RELL1: variants seen among roughly 807,000 people sequenced by gnomAD.
RELL1 encodes the protein RELT like 1.
RELL1 carries 10 observed loss-of-function variants against 23.0 expected under a neutral mutation model. The ratio of observed to expected loss-of-function variants is 0.43; its 90% CI spans 0.27 to 0.74. The LOEUF (loss-of-function observed/expected upper bound fraction) is 0.74. RELL1 is among the 30% of genes least tolerant of loss of function. The pLI is 0.19. For missense variants in RELL1, 315 were observed against 364.4 expected, an observed-to-expected ratio of 0.86 and a Z score of 1.10; for synonymous variants, 146 against 146.8, an observed-to-expected ratio of 0.99 and a Z score of 0.04.
chr4:37,620,065 A>T (rs1719716649), intron 6 of RELL1, among the ~76,000 whole-genome samples: 2 of 152,206 alleles, frequency 1.3e-5, no homozygotes, highest in Admixed American at 1.3e-4. Context: ...TAAAACCTTA[A>T]TTTTTTAATA....
chr4:37,637,832 G>C (rs1409161049), intron 4 of RELL1, among the ~76,000 whole-genome samples: 1 of 152,178 alleles, frequency 6.6e-6, no homozygotes, highest in Non-Finnish European at 1.5e-5. Flanking sequence ...ACCTAAAATA[G>C]TAATACAAAA....
chr4:37,594,399 G>A (rs961100738), intron 6 of RELL1, among the ~76,000 whole-genome samples: 3 of 152,178 alleles, frequency 2.0e-5, no homozygotes, highest in African/African-American at 7.2e-5. Context: ...TGATTGGAAG[G>A]CACTAACTGT....
In RELL1 at chr4:37,669,934, A is replaced by G. The variant is rs561833987; in HGVS notation, c.88+16266T>C. On this transcript the variant is annotated intron_variant, in intron 1 of 6. Transcript: ENST00000454158. ...GCAGGGTCCTCTGCCTAGGAAAACC[A>G]GAGACCTTTGTTCACTTGTTTATCT... 5.0e-3 allele frequency among the ~76,000 whole-genome samples: 757 copies of G among 151,902 alleles called. 5 individuals are homozygous for G. The highest frequency in any genetic ancestry group is 8.2e-3 in the Non-Finnish European group (558 of 67,916).
chr4:37,641,386 T>C (rs1720526573), intron 3 of RELL1, among the ~76,000 whole-genome samples: 1 of 152,222 alleles, frequency 6.6e-6, no homozygotes, highest in East Asian at 1.9e-4. Flanking sequence ...GGTTTTCTAA[T>C]ATAACACCAC....
intron 6 of RELL1, among the ~76,000 whole-genome samples, chr4:37,604,898 C>G (rs62297170): frequency 0.28 from 24,276 of 87,708 alleles, 3,988 homozygotes; most frequent in Non-Finnish European, 0.35. Context: ...GACACACACA[C>G]AGACACACAC....
intron 1 of RELL1, among the ~76,000 whole-genome samples, 187 bp from the exon 2 acceptor site, chr4:37,649,687 C>G (rs932323402): frequency 6.6e-6 from 1 of 152,262 alleles, no homozygotes; most frequent in East Asian, 1.9e-4. Context: ...GAGTTTAACT[C>G]TGCTACTCAT....
At chr4:37,642,163 G>A (rs17577627) in intron 3 of RELL1, among the ~76,000 whole-genome samples, 8 of 152,102 alleles carry the variant, frequency 5.3e-5, no homozygotes, top group African/African-American at 9.7e-5. Flanking sequence ...GAACCCACTC[G>A]GTACTCACAG....
intron 2 of RELL1, among the ~76,000 whole-genome samples, chr4:37,648,111 C>T (rs1720772922): frequency 6.6e-6 from 1 of 152,224 alleles, no homozygotes; most frequent in African/African-American, 2.4e-5. Context: ...TCAAGGTGTG[C>T]AGTGTCCTAC....
intron 1 of RELL1, among the ~76,000 whole-genome samples, chr4:37,671,135 C>T (rs1280415186): frequency 6.6e-6 from 1 of 152,224 alleles, no homozygotes; most frequent in African/African-American, 2.4e-5. Flanking sequence ...AGACTGACCC[C>T]ACTTCAGATG....
intron 1 of RELL1, among the ~76,000 whole-genome samples, chr4:37,664,913 G>A (rs1721477454): frequency 6.6e-6 from 1 of 152,046 alleles, no homozygotes; most frequent in Non-Finnish European, 1.5e-5. Flanking sequence ...TCAAAGGCAG[G>A]AATCCCAGCA....
intron 6 of RELL1, among the ~76,000 whole-genome samples, chr4:37,630,682 G>GT (rs925232235): frequency 1.5e-4 from 22 of 148,140 alleles, no homozygotes; most frequent in South Asian, 2.2e-4. Context: ...GCTGCGTGTT[G>GT]TTTTTTTTTT....
intron 2 of RELL1, 72 bp from the exon 3 acceptor site, chr4:37,647,511 C>A: frequency 2.0e-6 from 2 of 1,021,414 alleles, no homozygotes; most frequent in Non-Finnish European, 1.5e-6. Flanking sequence ...ATCTTAGAAC[C>A]CAAGACCTCA....
At chr4:37,595,860 G>T (rs1372427263) in intron 6 of RELL1, among the ~76,000 whole-genome samples, 5 of 152,148 alleles carry the variant, frequency 3.3e-5, no homozygotes, top group African/African-American at 9.7e-5. Context: ...GCCAAGCAAT[G>T]GGGAGCTTGG....
intron 1 of RELL1, among the ~76,000 whole-genome samples, chr4:37,660,835 T>C (rs556244794): frequency 1.5e-4 from 23 of 152,128 alleles, no homozygotes; most frequent in African/African-American, 3.1e-4. Flanking sequence ...ATCAAGACCA[T>C]CCTGGCTAAC....
downstream of RELL1, among the ~76,000 whole-genome samples, chr4:37,609,769 A>G (rs969511298): frequency 4.6e-5 from 7 of 152,226 alleles, no homozygotes; most frequent in Admixed American, 6.5e-5. Flanking sequence ...AACTAGAATC[A>G]GAAGTGAGCA....
At chr4:37,648,140 C>T (rs79145613) in intron 2 of RELL1, among the ~76,000 whole-genome samples, 3,961 of 152,342 alleles carry the variant, frequency 0.026, 213 homozygotes, top group East Asian at 0.16. Context: ...CTGGACAATG[C>T]CTTCTCCATC....
chr4:37,628,174 G>A (rs913454554), intron 6 of RELL1, among the ~76,000 whole-genome samples: 1 of 152,260 alleles, frequency 6.6e-6, no homozygotes, highest in African/African-American at 2.4e-5. Flanking sequence ...CCACCCAGCA[G>A]GTCTCAATCT....
At chr4:37,663,055 A>G (rs12710806) in intron 1 of RELL1, among the ~76,000 whole-genome samples, 55,920 of 152,018 alleles carry the variant, frequency 0.37, 12,616 homozygotes, top group African/African-American at 0.65. Flanking sequence ...ACAGACCCTC[A>G]CTGATGGCTG....
chr4:37,607,011 T>A (rs1343779011), downstream of RELL1, among the ~76,000 whole-genome samples: 1 of 152,234 alleles, frequency 6.6e-6, no homozygotes, highest in East Asian at 1.9e-4. Context: ...ACATCACCTG[T>A]ATGGTGTCCC....
Sources: gnomAD v4.1 joint callset for allele counts (sites outside exome capture counted in the v4.1 genomes callset) on GRCh38, gnomAD v4.1.1 for gene constraint, MANE v1.5 for transcripts, NCBI Gene and HGNC (gene_info 2026-07-23, HGNC 2026-07-21) for gene names.